The following CADPS variants were observed in gnomAD, a reference collection of about 807,000 sequenced individuals.
CADPS encodes calcium dependent secretion activator, also known as calcium-dependent secretion activator 1.
In CADPS, 57 loss-of-function variants were observed where a neutral mutation model predicts 167.3. The observed-to-expected ratio is 0.34, with a 90% CI of 0.28 to 0.42. The LOEUF is 0.42. CADPS is among the 20% of genes least tolerant of loss of function. The pLI is 1.00. For missense variants in CADPS, 1,414 were observed against 1,738.1 expected, an observed-to-expected ratio of 0.81 and a Z score of 3.32; for synonymous variants, 676 against 635.3, an observed-to-expected ratio of 1.06 and a Z score of -0.96.
Position 62,557,477 on chromosome 3 carries a change from C to G in CADPS, c.1681G>C (p.Glu561Gln). The G allele has an allele frequency of 6.2e-7, 1 of 1,613,980 alleles. No homozygotes were observed. Among genetic ancestry groups the G allele is most frequent in the Non-Finnish European group, 8.5e-7 (1 of 1,179,944 alleles). ...QYTFAMCSYR[E>Q]KKAEPQELLQ... ...AGTTCCTGAGGCTCCGCTTTCTTCTCCCGATAACTGCACATGGCAAACGTG... is the reference window on the plus strand; with the variant it reads ...AGTTCCTGAGGCTCCGCTTTCTTCTGCCGATAACTGCACATGGCAAACGTG... The change falls in exon 10 of 30, where the codon GAG becomes CAG. Residue 561 changes from glutamate (E) to glutamine (Q), a missense_variant. Coordinates refer to ENST00000383710, the MANE Select transcript of CADPS (RefSeq NM_003716.4).
intron 1 of CADPS, among the ~76,000 whole-genome samples, chr3:62,777,731 TAA>T (rs1241040135): frequency 1.3e-5 from 2 of 152,118 alleles, no homozygotes; most frequent in African/African-American, 4.8e-5. Flanking sequence ...GTGTATTAGT[TAA>T]AGAGACACAC....
chr3:62,570,196 A>T (rs1326677115), intron 9 of CADPS, among the ~76,000 whole-genome samples: 1 of 151,820 alleles, frequency 6.6e-6, no homozygotes, highest in Non-Finnish European at 1.5e-5. Context: ...GTGTGGAAAA[A>T]GCAACTTGCA....
chr3:62,523,732 T>C (rs1355543), intron 13 of CADPS, among the ~76,000 whole-genome samples: 119,263 of 152,186 alleles, frequency 0.78, 47,670 homozygotes, highest in Middle Eastern at 0.91. Context: ...GCTCCGCATA[T>C]AACCAGCTTT....
chr3:62,611,058 T>A, intron 6 of CADPS, among the ~76,000 whole-genome samples: 1 of 152,012 alleles, frequency 6.6e-6, no homozygotes, highest in East Asian at 1.9e-4. Context: ...AGCAAATAAT[T>A]ATCCAGCCCA....
chr3:62,667,886 A>C (rs938753713), intron 3 of CADPS, among the ~76,000 whole-genome samples: 1 of 150,334 alleles, frequency 6.7e-6, no homozygotes, highest in Admixed American at 6.6e-5. Context: ...GCCCTGTCTG[A>C]CCTCTAGGGG....
intron 3 of CADPS, among the ~76,000 whole-genome samples, chr3:62,711,062 T>C (rs1420303887): frequency 6.6e-6 from 1 of 152,182 alleles, no homozygotes; most frequent in Non-Finnish European, 1.5e-5. Flanking sequence ...TGTAATTTCT[T>C]TGGGGCCAAG....
intron 3 of CADPS, among the ~76,000 whole-genome samples, chr3:62,693,249 C>T (rs2079553295): frequency 6.6e-6 from 1 of 152,012 alleles, no homozygotes; most frequent in Non-Finnish European, 1.5e-5. Context: ...TCCCTCTGTT[C>T]ATTTCCTTCA....
intron 4 of CADPS, among the ~76,000 whole-genome samples, chr3:62,658,979 C>G (rs1342098004): frequency 6.6e-6 from 1 of 152,152 alleles, no homozygotes; most frequent in Non-Finnish European, 1.5e-5. Context: ...TGGGTTCTGG[C>G]TGCAGTTTCT....
intron 8 of CADPS, among the ~76,000 whole-genome samples, chr3:62,579,234 C>A (rs527274047): frequency 3.3e-5 from 5 of 152,108 alleles, no homozygotes; most frequent in African/African-American, 1.2e-4. Flanking sequence ...AACTGTGGAC[C>A]GAGCTCTAAT....
At chr3:62,534,165 G>A (rs911628980) in intron 12 of CADPS, among the ~76,000 whole-genome samples, 19 of 152,198 alleles carry the variant, frequency 1.2e-4, no homozygotes, top group Non-Finnish European at 2.1e-4. Context: ...CAATTTAGGT[G>A]ATACTTTCTA....
chr3:62,645,276 A>G (rs1218443964), intron 6 of CADPS, among the ~76,000 whole-genome samples: 1 of 152,162 alleles, frequency 6.6e-6, no homozygotes, highest in East Asian at 1.9e-4. Context: ...TGACACCAAG[A>G]TCTCCCAAAT....
chr3:62,635,307 C>T (rs543425986), intron 6 of CADPS, among the ~76,000 whole-genome samples: 1 of 152,294 alleles, frequency 6.6e-6, no homozygotes, highest in South Asian at 2.1e-4. Context: ...CCAGAGCCTT[C>T]TGCCTCTAAT....
At chr3:62,452,506 C>T (rs1362135203) in intron 26 of CADPS, among the ~76,000 whole-genome samples, 3 of 152,004 alleles carry the variant, frequency 2.0e-5, no homozygotes, top group Non-Finnish European at 4.4e-5. Context: ...ACGCAAGGGA[C>T]ATTCATAAAT....
chr3:62,656,424 G>A (rs1183210619), intron 4 of CADPS, among the ~76,000 whole-genome samples: 4 of 152,192 alleles, frequency 2.6e-5, no homozygotes, highest in African/African-American at 7.2e-5. Context: ...TGAGGCAGAA[G>A]TGTTAAGCAA....
At chr3:62,592,559 T>A in intron 7 of CADPS, 78 bp downstream of exon 7, 1 of 1,056,250 alleles carries the variant, frequency 9.5e-7, no homozygotes. Flanking sequence ...CAATGCTGCC[T>A]CTTGGTGACC....
intron 3 of CADPS, among the ~76,000 whole-genome samples, chr3:62,713,370 CA>C (rs1162937066): frequency 6.6e-6 from 1 of 152,154 alleles, no homozygotes; most frequent in Admixed American, 6.5e-5. Context: ...AAGGAAGAGA[CA>C]AAACCACCTC....
At chr3:62,854,588 T>A (rs1353658262) in intron 1 of CADPS, among the ~76,000 whole-genome samples, 4 of 152,190 alleles carry the variant, frequency 2.6e-5, no homozygotes, top group African/African-American at 9.7e-5. Flanking sequence ...CTATGTGATG[T>A]GGGTGAGAAC....
chr3:62,655,268 C>T (rs575150425), intron 4 of CADPS, among the ~76,000 whole-genome samples: 6 of 152,296 alleles, frequency 3.9e-5, no homozygotes, highest in Admixed American at 2.6e-4. Flanking sequence ...ATTGCAAACA[C>T]ATTTCAAAGC....
intron 1 of CADPS, among the ~76,000 whole-genome samples, chr3:62,775,720 C>T (rs2090113552): frequency 6.6e-6 from 1 of 152,158 alleles, no homozygotes; most frequent in Non-Finnish European, 1.5e-5. Flanking sequence ...GTTGGCAACT[C>T]AATCAGACAA....
Sources: gnomAD v4.1 joint callset for allele counts (sites outside exome capture counted in the v4.1 genomes callset) on GRCh38, gnomAD v4.1.1 for gene constraint, MANE v1.5 for transcripts, NCBI Gene and HGNC (gene_info 2026-07-23, HGNC 2026-07-21) for gene names.